RRBP1: variants seen among roughly 807,000 people sequenced by gnomAD.
The protein encoded by RRBP1 is ribosome-binding protein 1.
RRBP1 carries 94 observed loss-of-function variants against 165.2 expected under a neutral mutation model. That is an observed-to-expected ratio of 0.57 (90% CI 0.48 to 0.68). RRBP1 has a LOEUF of 0.68. RRBP1 is among the 30% of genes least tolerant of loss of function. The probability of loss-of-function intolerance (pLI) is 0.00; values close to 1 mark genes in which losing one functional copy is unlikely to be tolerated. For synonymous variants in RRBP1, 680 were observed against 714.5 expected, an observed-to-expected ratio of 0.95 and a Z score of 0.77; for missense variants, 1,676 against 1,763.0, an observed-to-expected ratio of 0.95 and a Z score of 0.88.
Position 17,613,847 on chromosome 20 carries a change from A to G in RRBP1, c.*335T>C, listed in dbSNP as rs1053039800. Reference sequence around the variant, plus strand: ...TCCCGCCCCGCCCCACTGAAAAAACACTAAACGATTGCACTGACAGACAGA... The same window carrying G: ...TCCCGCCCCGCCCCACTGAAAAAACGCTAAACGATTGCACTGACAGACAGA... On this transcript the variant is annotated 3_prime_UTR_variant, in exon 25 of 25. Coordinates refer to ENST00000377813, the MANE Select transcript of RRBP1 (RefSeq NM_001365613.2). 13 of 263,358 alleles carry G rather than the reference A, an allele frequency of 4.9e-5. No homozygotes were observed. Among genetic ancestry groups the G allele is most frequent in the Non-Finnish European group, 8.1e-5 (11 of 135,308 alleles). 16.3% of individuals were successfully genotyped at this position (263,358 alleles called of 1,614,324 possible). A position where few individuals can be genotyped will look rare whatever the true frequency, so the allele number is the denominator to read the frequency against.
chr20:17,665,435 G>C lies in RRBP1; in HGVS notation c.-21-4907C>G, dbSNP rs113621332. Among the ~76,000 whole-genome samples, 610 of 152,254 alleles carry C rather than the reference G, an allele frequency of 4.0e-3. 9 individuals are homozygous for C. Among genetic ancestry groups the C allele is most frequent in the African/African-American group, 0.014 (572 of 41,526 alleles). ...TGCCCAGGCTGGAGCTCAGTGGCATGATCCTGGCTCACTGCAACCTCTGCC... is the reference window on the plus strand; with the variant it reads ...TGCCCAGGCTGGAGCTCAGTGGCATCATCCTGGCTCACTGCAACCTCTGCC... On this transcript the variant is annotated intron_variant, in intron 2 of 24. Transcript: ENST00000377813.
chr20:17,614,252 C>T, intron 24 of RRBP1, 32 bp from the exon 25 acceptor site: 3 of 1,609,488 alleles, frequency 1.9e-6, no homozygotes, highest in South Asian at 1.1e-5. Context: ...GTGAGGGGGG[C>T]TGGGCCACGA....
At position 17,643,156 on chromosome 20, in the gene RRBP1, C is replaced by T; in HGVS notation, c.1913-29G>A. ...TGCAGCAAGAGGGAAAGAGCTGAGA[C>T]TTAGGCCCATAAGCCACAACACACG... On this transcript the variant is annotated intron_variant, in intron 3 of 24. Transcript: ENST00000377813. This position sits in a 1 kb window ranked among gnomAD's most constrained non-coding sequence, Gnocchi z 4.3. The T allele has an allele frequency of 6.2e-7, 1 of 1,609,254 alleles. No homozygotes were observed. The highest frequency in any genetic ancestry group is 8.5e-7 in the Non-Finnish European group (1 of 1,178,190).
chr20:17,614,438 G>A (rs2035752310), intron 24 of RRBP1, among the ~76,000 whole-genome samples: 1 of 152,180 alleles, frequency 6.6e-6, no homozygotes, highest in African/African-American at 2.4e-5. Context: ...AGGGGCTGGA[G>A]CACTGGCTAA....
intron 3 of RRBP1, among the ~76,000 whole-genome samples, chr20:17,650,278 C>T (rs1184004041): frequency 6.6e-6 from 1 of 152,186 alleles, no homozygotes; most frequent in African/African-American, 2.4e-5. Flanking sequence ...ATGGACTTAT[C>T]TGACAACGTG....
chr20:17,642,117 A>G (rs796343007), intron 4 of RRBP1, among the ~76,000 whole-genome samples, 198 bp from the exon 5 acceptor site: 4 of 152,368 alleles, frequency 2.6e-5, no homozygotes, highest in African/African-American at 9.6e-5. Flanking sequence ...CCCCTGACCC[A>G]GCGTGTGTTG....
At chr20:17,631,369 CAT>C (rs1006932448) in intron 8 of RRBP1, among the ~76,000 whole-genome samples, 74 of 152,370 alleles carry the variant, frequency 4.9e-4, no homozygotes, top group African/African-American at 1.4e-3. Context: ...ACTGACCACA[CAT>C]GTTCTTCCGT....
chr20:17,669,066 C>T (rs6080770), intron 2 of RRBP1, among the ~76,000 whole-genome samples: 151,989 of 152,318 alleles, frequency 1, 75,833 homozygotes, highest in Middle Eastern at 1. Flanking sequence ...ACAAAGAGTC[C>T]GAAAAAATTT....
chr20:17,636,120 T>G (rs2036243656), intron 6 of RRBP1, among the ~76,000 whole-genome samples: 1 of 152,214 alleles, frequency 6.6e-6, no homozygotes, highest in Non-Finnish European at 1.5e-5. Flanking sequence ...GGCTTCAGAC[T>G]TTGACTACAG....
At chr20:17,661,415 G>A (rs1291149314) in intron 2 of RRBP1, among the ~76,000 whole-genome samples, 3 of 152,182 alleles carry the variant, frequency 2.0e-5, no homozygotes, top group African/African-American at 4.8e-5. Context: ...AGAGGGTGAG[G>A]AGACAGTGTC....
intron 5 of RRBP1, among the ~76,000 whole-genome samples, chr20:17,640,160 C>A (rs1014333387): frequency 5.9e-5 from 9 of 152,178 alleles, no homozygotes; most frequent in Admixed American, 5.2e-4. Context: ...GTCTGCGCCA[C>A]CAGGCTTGAG....
At chr20:17,652,489 A>G (rs1023222354) in intron 3 of RRBP1, among the ~76,000 whole-genome samples, 2 of 151,966 alleles carry the variant, frequency 1.3e-5, no homozygotes, top group Admixed American at 6.6e-5. Flanking sequence ...CACACCGGTG[A>G]TCTAGAACCC....
At chr20:17,637,607 C>T (rs2036271734) in intron 5 of RRBP1, among the ~76,000 whole-genome samples, 2 of 152,188 alleles carry the variant, frequency 1.3e-5, no homozygotes, top group South Asian at 4.1e-4. Flanking sequence ...GTGAGGAAGT[C>T]CGTCCCCTCC....
chr20:17,649,064 C>T (rs894489580), intron 3 of RRBP1, among the ~76,000 whole-genome samples: 1 of 152,054 alleles, frequency 6.6e-6, no homozygotes, highest in Non-Finnish European at 1.5e-5. Flanking sequence ...ATACTTGGCT[C>T]GCTTCCCTAG....
rs766730557 is a variant in RRBP1 at position 17,625,617 on chromosome 20, C to G, written c.2964-15G>C. ...GCTCCTTGAGGCTGAAGGGACACAA[C>G]GAGGTCACCGCCTAGGCTCCAAGGG... On this transcript the variant is annotated splice_polypyrimidine_tract_variant and intron_variant, in intron 11 of 24. Transcript: ENST00000377813. The G allele has an allele frequency of 6.2e-7, 1 of 1,609,596 alleles. No individual in the cohort carries two copies. The highest frequency in any genetic ancestry group is 1.3e-5 in the African/African-American group (1 of 74,822).
Position 17,660,289 on chromosome 20 carries a change from C to T in RRBP1, c.219G>A (p.Lys73=). 1 of 1,606,482 alleles carries T rather than the reference C, an allele frequency of 6.2e-7. No homozygotes were observed. Among genetic ancestry groups the T allele is most frequent in the Non-Finnish European group, 8.5e-7 (1 of 1,175,668 alleles). The change falls in exon 3 of 25, where the codon AAG becomes AAA. Residue 73 remains lysine (K), a synonymous_variant. Coordinates refer to ENST00000377813, the MANE Select transcript of RRBP1 (RefSeq NM_001365613.2). The part of the protein sequence containing the change: ...EKTVEKKGKT[K]KKEEKPNGKI... ...TCCCATTAGGTTTCTCTTCCTTTTT[C>T]TTGGTCTTTCCTTTCTTCTCCACTG...
Position 17,677,082 on chromosome 20 carries a change from A to T in RRBP1, c.-22+2917T>A, listed in dbSNP as rs549953735. Among the ~76,000 whole-genome samples the T allele has an allele frequency of 2.3e-3, 351 of 152,222 alleles. 1 individual carries two copies. Among genetic ancestry groups the T allele is most frequent in the South Asian group, 8.3e-3 (40 of 4,820 alleles). ...TAGATTTTAGTGAAAAAAAAAAAAA[A>T]AATTCCACTTTTAAAAGGTGACTCA... is the stretch of plus-strand genomic sequence containing the variant. On this transcript the variant is annotated intron_variant, in intron 2 of 24. Transcript: ENST00000377813.
At chr20:17,633,247 C>G (rs960595584) in intron 8 of RRBP1, among the ~76,000 whole-genome samples, 1 of 152,220 alleles carries the variant, frequency 6.6e-6, no homozygotes, top group South Asian at 2.1e-4. Context: ...GCTTAGCATA[C>G]AGAAAGCTCC....
chr20:17,615,600 G>A (rs1188825884), intron 22 of RRBP1, 71 bp from the exon 23 acceptor site: 1 of 1,315,338 alleles, frequency 7.6e-7, no homozygotes, highest in Non-Finnish European at 1.0e-6. Context: ...ACCCTACCGA[G>A]CACGCCTGGG....
Sources: gnomAD v4.1 joint callset for allele counts (sites outside exome capture counted in the v4.1 genomes callset) on GRCh38, gnomAD v4.1.1 for gene constraint, Gnocchi (gnomAD v3.1) non-coding constraint, MANE v1.5 for transcripts, NCBI Gene and HGNC (gene_info 2026-07-23, HGNC 2026-07-21) for gene names.